PHACTR1: variants seen among roughly 807,000 people sequenced by gnomAD.
PHACTR1 encodes the protein phosphatase and actin regulator 1.
A neutral mutation model predicts 69.2 loss-of-function variants in PHACTR1; 16 were observed. The observed-to-expected ratio is 0.23, with a 90% CI of 0.16 to 0.35. PHACTR1 has a LOEUF of 0.35. Among genes scored for constraint, PHACTR1 ranks in the 10% least tolerant of loss-of-function variants. PHACTR1 has a pLI of 1.00. For missense variants in PHACTR1, 510 were observed against 734.7 expected, an observed-to-expected ratio of 0.69 and a Z score of 3.54; for synonymous variants, 312 against 284.5, an observed-to-expected ratio of 1.10 and a Z score of -0.97.
chr6:13,194,852 G>T (rs3932443), intron 7 of PHACTR1, among the ~76,000 whole-genome samples: 1 of 151,924 alleles, frequency 6.6e-6, no homozygotes, highest in African/African-American at 2.4e-5. Context: ...TCAGCTGAGG[G>T]TGCCAGGGTT....
At chr6:12,874,508 C>G (rs1371824547) in intron 4 of PHACTR1, among the ~76,000 whole-genome samples, 3 of 152,146 alleles carry the variant, frequency 2.0e-5, no homozygotes, top group African/African-American at 7.2e-5. Flanking sequence ...CCGTAGACAC[C>G]CTAGGACTTG....
chr6:12,750,053 C>T (rs1366829798), intron 4 of PHACTR1, among the ~76,000 whole-genome samples: 1 of 152,186 alleles, frequency 6.6e-6, no homozygotes, highest in Non-Finnish European at 1.5e-5. Flanking sequence ...TCAGTGACCA[C>T]AGTGATCCCG....
At chr6:13,260,314 T>C (rs1238805902) in intron 10 of PHACTR1, among the ~76,000 whole-genome samples, 1 of 152,142 alleles carries the variant, frequency 6.6e-6, no homozygotes, top group Admixed American at 6.5e-5. Context: ...CATCTCAGCT[T>C]CCCTAAACTG....
chr6:13,180,221 T>C (rs754549465), intron 6 of PHACTR1, among the ~76,000 whole-genome samples: 20 of 152,202 alleles, frequency 1.3e-4, no homozygotes, highest in Non-Finnish European at 2.4e-4. Context: ...GGTGATATGA[T>C]TAGTGTCTTA....
intron 6 of PHACTR1, among the ~76,000 whole-genome samples, chr6:13,162,644 A>G (rs1395566925): frequency 6.6e-6 from 1 of 152,210 alleles, no homozygotes; most frequent in African/African-American, 2.4e-5. Flanking sequence ...TAGAGAATAC[A>G]TGTACAGTAG....
At chr6:12,741,768 CAA>C (rs70987094) in intron 3 of PHACTR1, among the ~76,000 whole-genome samples, 2 of 143,456 alleles carry the variant, frequency 1.4e-5, no homozygotes, top group African/African-American at 2.6e-5. Context: ...TGTCAAACTC[CAA>C]AAAAAAAAAA....
chr6:13,007,740 A>G (rs1215359218), intron 4 of PHACTR1, among the ~76,000 whole-genome samples: 1 of 149,962 alleles, frequency 6.7e-6, no homozygotes, highest in Non-Finnish European at 1.5e-5. Flanking sequence ...AAGAGAAAGC[A>G]GTCTTCCGAA....
chr6:12,873,729 A>G (rs1012179171), intron 4 of PHACTR1, among the ~76,000 whole-genome samples: 4 of 152,240 alleles, frequency 2.6e-5, no homozygotes, highest in Non-Finnish European at 4.4e-5. Context: ...TAGGGACAGG[A>G]AAAAGTAGAT....
intron 5 of PHACTR1, among the ~76,000 whole-genome samples, chr6:13,103,164 G>A (rs549217303): frequency 6.6e-5 from 10 of 152,216 alleles, no homozygotes; most frequent in African/African-American, 2.2e-4. Flanking sequence ...GAATTACTTC[G>A]TCCTGTTGGG....
chr6:13,255,496 T>C (rs140861301), intron 10 of PHACTR1, among the ~76,000 whole-genome samples: 1 of 152,230 alleles, frequency 6.6e-6, no homozygotes, highest in East Asian at 1.9e-4. Flanking sequence ...CAACATTAAC[T>C]CAAAAGTCTT....
rs572851717 is a variant in PHACTR1 at position 13,211,936 on chromosome 6, C to T, written c.986+5800C>T. Among the ~76,000 whole-genome samples, 176 of 152,308 alleles carry T rather than the reference C, an allele frequency of 1.2e-3. 1 individual carries two copies. The highest frequency in any genetic ancestry group is 2.7e-3 in the Admixed American group (41 of 15,292). The stretch of plus-strand genomic sequence containing the variant: ...TAAAAACACACACACACACACAATG[C>T]GTGACTTAGATGACAGAAATTTATT... On this transcript the variant is annotated intron_variant, in intron 8 of 14. Transcript: ENST00000332995.
intron 5 of PHACTR1, among the ~76,000 whole-genome samples, chr6:13,126,400 T>C (rs575623687): frequency 1.3e-5 from 2 of 152,344 alleles, no homozygotes; most frequent in South Asian, 4.1e-4. Flanking sequence ...CCATAAAATA[T>C]TACTTGCTGT....
chr6:12,797,799 A>G (rs1373262397), intron 4 of PHACTR1, among the ~76,000 whole-genome samples: 1 of 152,042 alleles, frequency 6.6e-6, no homozygotes, highest in Non-Finnish European at 1.5e-5. Flanking sequence ...TTCCCTCTAC[A>G]TAGAACACTT....
At chr6:12,759,375 A>T (rs1409152816) in intron 4 of PHACTR1, among the ~76,000 whole-genome samples, 1 of 151,636 alleles carries the variant, frequency 6.6e-6, no homozygotes, top group Non-Finnish European at 1.5e-5. Context: ...ACAACCTACA[A>T]TTTGAAAAAC....
In PHACTR1 at chr6:12,976,378, C is replaced by T. The variant is rs546785622; in HGVS notation, c.251-76987C>T. Among the ~76,000 whole-genome samples, 4 of 152,256 alleles carry T rather than the reference C, an allele frequency of 2.6e-5. No homozygotes were observed. In the South Asian group the frequency reaches 8.3e-4, roughly 32 times the overall value. Reference sequence around the variant, plus strand: ...CCTGGGATCTTAGAATAAAAAGGGACTTTGTAGAGCATCTGATTCAACCCT... The same window carrying T: ...CCTGGGATCTTAGAATAAAAAGGGATTTTGTAGAGCATCTGATTCAACCCT... On this transcript the variant is annotated intron_variant, in intron 4 of 14. Transcript: ENST00000332995.
chr6:13,270,595 AAT>A (rs1223487742), intron 10 of PHACTR1, among the ~76,000 whole-genome samples: 1 of 152,204 alleles, frequency 6.6e-6, no homozygotes, highest in African/African-American at 2.4e-5. Context: ...GTCAAAGATA[AAT>A]ATGTTTTATA....
At chr6:13,195,553 T>C (rs1764244450) in intron 7 of PHACTR1, among the ~76,000 whole-genome samples, 1 of 151,836 alleles carries the variant, frequency 6.6e-6, no homozygotes, top group Non-Finnish European at 1.5e-5. Flanking sequence ...GGTTGGGAGT[T>C]TGAGACCAGC....
In PHACTR1 at chr6:13,205,906, G is replaced by A. The variant is rs1765835860; in HGVS notation, c.756G>A (p.Gly252=). 6.2e-7 allele frequency: 1 copy of A among 1,613,674 alleles called. No homozygotes were observed. Among genetic ancestry groups the A allele is most frequent in the Non-Finnish European group, 8.5e-7 (1 of 1,179,610 alleles). Residue 252 remains glycine, a synonymous_variant, in exon 8 of 15, where the codon GGG becomes GGA. Transcript: ENST00000332995. ...AAGTCATGATCTGTATGCCCGTGGG[G>A]GGGCCAGACCTCTCACTGGTGTCCT... ...PKKVMICMPV[G]GPDLSLVSYT...
rs73364200 is a variant in PHACTR1, at chr6:12,987,997, G to A, written c.251-65368G>A. Reference sequence around the variant, plus strand: ...ACTCTCCTGCTGGGGCCCCTTGGCAGCCACTGGTGCACATTTCTAAGGGGG... The same window carrying A: ...ACTCTCCTGCTGGGGCCCCTTGGCAACCACTGGTGCACATTTCTAAGGGGG... On this transcript the variant is annotated intron_variant, in intron 4 of 14. Transcript: ENST00000332995. 9.2e-3 allele frequency among the ~76,000 whole-genome samples: 1,405 copies of A among 152,278 alleles called. 23 individuals are homozygous for A. The highest frequency in any genetic ancestry group is 0.032 in the African/African-American group (1,316 of 41,542).
Sources: gnomAD v4.1 joint callset for allele counts (sites outside exome capture counted in the v4.1 genomes callset) on GRCh38, gnomAD v4.1.1 for gene constraint, MANE v1.5 for transcripts, NCBI Gene and HGNC (gene_info 2026-07-23, HGNC 2026-07-21) for gene names.